Variants in SPTB observed in about 807,000 individuals in gnomAD.
SPTB encodes spectrin beta, erythrocytic.
A neutral mutation model predicts 256.2 loss-of-function variants in SPTB; 45 were observed. That is an observed-to-expected ratio of 0.18 (90% CI 0.14 to 0.23). The LOEUF is 0.23. SPTB is among the 10% of genes least tolerant of loss of function. The pLI is 1.00. For missense variants in SPTB, 2,715 were observed against 3,040.4 expected (o/e 0.89, Z 2.52); for synonymous variants, 1,231 against 1,243.1 (o/e 0.99, Z 0.21).
intron 33 of SPTB, among the ~76,000 whole-genome samples, chr14:64,750,988 TTA>T (rs886708993): frequency 2.1e-5 from 3 of 145,362 alleles, no homozygotes; most frequent in Admixed American, 7.0e-5. Flanking sequence ...ATTTTATACA[TTA>T]TATATAATAC....
intron 3 of SPTB, 77 bp downstream of exon 3, chr14:64,804,862 T>G (rs1439117195): frequency 1.9e-6 from 3 of 1,592,712 alleles, no homozygotes; most frequent in South Asian, 2.2e-5. Context: ...CAGGAGAACT[T>G]GAGATGCCCC....
rs1008938725 is a variant in SPTB, at chr14:64,770,385, G to A, written c.5798+500C>T. 5.9e-5 allele frequency among the ~76,000 whole-genome samples: 9 copies of A among 152,202 alleles called. No individual in the cohort carries two copies. The South Asian group carries it at 1.7e-3, about 28-fold the overall frequency. ...ACCTTAGGGGCAATAGGATGGAGAT[G>A]GATCAGCAATAACTGATGAAGTGAC... is the stretch of plus-strand genomic sequence containing the variant. On this transcript the variant is annotated intron_variant, in intron 27 of 35. Transcript: ENST00000644917.
chr14:64,830,253 G>A (rs1299575419), intron 1 of SPTB, among the ~76,000 whole-genome samples: 3 of 150,902 alleles, frequency 2.0e-5, no homozygotes, highest in Non-Finnish European at 2.9e-5. Context: ...GTACTCCAGT[G>A]CCTAGTACTG....
rs1206526673 is a variant in SPTB, at chr14:64,827,262, A to G, written c.-51-4117T>C. On this transcript the variant is annotated intron_variant, in intron 1 of 35. Coordinates refer to ENST00000644917, the MANE Select transcript of SPTB (RefSeq NM_001355436.2). This position sits in a 1 kb window ranked among gnomAD's most constrained non-coding sequence, Gnocchi z 4.6. Reference sequence around the variant, plus strand: ...AGCATCCTCTCCTCTTCCCTGGGTCATACAAAAGTGAGAAGCAACAAAGCA... The same window carrying G: ...AGCATCCTCTCCTCTTCCCTGGGTCGTACAAAAGTGAGAAGCAACAAAGCA... Among the ~76,000 whole-genome samples, 1 of 152,232 alleles carries G rather than the reference A, an allele frequency of 6.6e-6. No homozygotes were observed. Among genetic ancestry groups the G allele is most frequent in the Non-Finnish European group, 1.5e-5 (1 of 68,034 alleles).
intron 2 of SPTB, among the ~76,000 whole-genome samples, chr14:64,822,401 C>CACACACACACACAG (rs1555374137): frequency 7.3e-6 from 1 of 136,636 alleles, no homozygotes; most frequent in East Asian, 2.2e-4. Context: ...CACACACACA[C>CACACACACACACAG]AGAGAGATCT....
intron 27 of SPTB, 84 bp from the exon 28 acceptor site, chr14:64,769,812 C>T (rs2082251251): frequency 1.3e-6 from 2 of 1,589,508 alleles, no homozygotes; most frequent in Non-Finnish European, 1.7e-6. Flanking sequence ...GGCCCACCTC[C>T]CCCTGCCTGT....
Position 64,782,507 on chromosome 14 carries a change from A to C in SPTB, c.4049T>G (p.Val1350Gly). 6.2e-7 allele frequency: 1 copy of C among 1,614,082 alleles called. No individual in the cohort carries two copies. The highest frequency in any genetic ancestry group is 2.2e-5 in the East Asian group (1 of 44,876). Reference protein sequence around the residue: ...MDEKPQFTALVSQKLEALHRL... With the variant: ...MDEKPQFTALGSQKLEALHRL... ...GTGCAGGGCTTCCAGCTTTTGGGAC[A>C]CCAGGGCTGTAAACTGGGGCTTCTC... The change falls in exon 20 of 36, where the codon GTG (valine) becomes GGG (glycine). Residue 1350 changes from valine to glycine, a missense_variant. Physicochemically the swap from Val to Gly is moderately radical, Grantham distance 109. Around this residue, in one of 4 missense-constraint regions of SPTB, gnomAD observed 2,239 missense variants for 2,384.4 expected, o/e 0.94. Transcript: ENST00000644917.
intron 32 of SPTB, chr14:64,754,068 C>T (rs1347938935): frequency 5.7e-5 from 32 of 561,564 alleles, no homozygotes; most frequent in East Asian, 5.3e-4. Flanking sequence ...AACATAGCAA[C>T]GGAAGGTTCT....
At chr14:64,750,868 C>T (rs997760418) in intron 33 of SPTB, among the ~76,000 whole-genome samples, 46 of 140,630 alleles carry the variant, frequency 3.3e-4, no homozygotes, top group Admixed American at 3.6e-4. Context: ...ACATATATAC[C>T]TATTATGTAT....
rs1412453898 is a variant in SPTB, at chr14:64,847,043, T to C, written c.-51-23898A>G. Among the ~76,000 whole-genome samples the C allele has an allele frequency of 6.6e-6, 1 of 152,186 alleles. No homozygotes were observed. Among genetic ancestry groups the C allele is most frequent in the East Asian group, 1.9e-4 (1 of 5,190 alleles). Reference sequence around the variant, plus strand: ...CCCACCCATACTGCCTCCATCCTCATGTTTCTCAACAGTCATAAAAGCCCC... The same window carrying C: ...CCCACCCATACTGCCTCCATCCTCACGTTTCTCAACAGTCATAAAAGCCCC... On this transcript the variant is annotated intron_variant, in intron 1 of 35. Coordinates refer to ENST00000644917, the MANE Select transcript of SPTB (RefSeq NM_001355436.2). The surrounding 1 kb of genome is among the most constrained non-coding windows in gnomAD (Gnocchi z 5.9).
Position 64,748,936 on chromosome 14 carries a change from CTTTTTT to C in SPTB, c.*364_*369del, listed in dbSNP as rs34353769. 2.0e-4 allele frequency: 26 copies of C among 128,726 alleles called. No homozygotes were observed. Among genetic ancestry groups the C allele is most frequent in the South Asian group, 6.8e-4 (3 of 4,428 alleles). 8.0% of individuals were successfully genotyped at this position (128,726 alleles called of 1,614,324 possible). A position where few individuals can be genotyped will look rare whatever the true frequency, so the allele number is the denominator to read the frequency against. ...AGAACCCCATCAGCCTTCTCCAGCT[CTTTTTT>C]TTTTTTTTTTTTGGTTGGGGGTAAG... On this transcript the variant is annotated 3_prime_UTR_variant, in exon 36 of 36. Coordinates refer to ENST00000644917, the MANE Select transcript of SPTB (RefSeq NM_001355436.2).
intron 1 of SPTB, among the ~76,000 whole-genome samples, chr14:64,846,784 C>A (rs560158058): frequency 2.0e-5 from 3 of 152,186 alleles, no homozygotes; most frequent in Non-Finnish European, 4.4e-5. Flanking sequence ...TCAGAAAGGG[C>A]CTTTGTCCCA....
Position 64,831,036 on chromosome 14 carries a change from C to T in SPTB, c.-51-7891G>A, listed in dbSNP as rs139014979. Among the ~76,000 whole-genome samples the T allele has an allele frequency of 2.7e-3, 413 of 152,286 alleles. 2 individuals are homozygous for T. Among genetic ancestry groups the T allele is most frequent in the African/African-American group, 9.5e-3 (395 of 41,564 alleles). On this transcript the variant is annotated intron_variant, in intron 1 of 35. Transcript: ENST00000644917. ...AGGTTGCCTTTTCCCTCCTATCCAA[C>T]CCCATAGATCCCCCACTGCTTCTTT...
At chr14:64,804,672 A>C (rs939641103) in intron 3 of SPTB, among the ~76,000 whole-genome samples, 3 of 152,192 alleles carry the variant, frequency 2.0e-5, no homozygotes, top group African/African-American at 7.2e-5. Context: ...CCAGCTACAG[A>C]TGCCCAGAGC....
At chr14:64,784,976 T>C (rs1329099474) in intron 18 of SPTB, among the ~76,000 whole-genome samples, 1 of 152,218 alleles carries the variant, frequency 6.6e-6, no homozygotes, top group Non-Finnish European at 1.5e-5. Context: ...AAGGACCTTC[T>C]GAGCTAGCAG....
intron 1 of SPTB, among the ~76,000 whole-genome samples, chr14:64,836,457 T>C (rs1405863273): frequency 2.0e-5 from 3 of 152,002 alleles, no homozygotes; most frequent in African/African-American, 7.3e-5. Context: ...ACATGCAGTG[T>C]CTCTCGGTAC....
intron 29 of SPTB, among the ~76,000 whole-genome samples, chr14:64,768,684 ACCCCTCCCCCAGGCCCCCAG>A (rs559122839): frequency 0.043 from 6,309 of 147,618 alleles, 206 homozygotes; most frequent in East Asian, 0.13. Flanking sequence ...CGGACCCTCA[ACCCCTCCCCCAGGCCCCCAG>A]CCCCTCCCCC....
chr14:64,877,608 G>T (rs1281191532), intron 1 of SPTB, among the ~76,000 whole-genome samples: 1 of 152,182 alleles, frequency 6.6e-6, no homozygotes, highest in Non-Finnish European at 1.5e-5. Flanking sequence ...GCATTCATTT[G>T]TTGGTTTCCT....
intron 9 of SPTB, among the ~76,000 whole-genome samples, chr14:64,798,162 T>A (rs1418217301): frequency 6.6e-6 from 1 of 152,212 alleles, no homozygotes; most frequent in African/African-American, 2.4e-5. Context: ...AAATATCAAG[T>A]TGTACGGATC....
Sources: allele counts gnomAD v4.1 joint callset (sites outside exome capture counted in the v4.1 genomes callset), GRCh38; gene constraint gnomAD v4.1.1; regional missense constraint gnomAD v4.1.1; non-coding constraint Gnocchi (gnomAD v3.1); transcripts MANE v1.5; gene names NCBI Gene and HGNC (gene_info 2026-07-23, HGNC 2026-07-21).